The following SMC5 variants were observed in gnomAD, a reference collection of about 807,000 sequenced individuals.
The protein encoded by SMC5 is structural maintenance of chromosomes protein 5.
SMC5 carries 88 observed loss-of-function variants against 148.3 expected under a neutral mutation model. That is an observed-to-expected ratio of 0.59 (90% confidence interval 0.50 to 0.71). The LOEUF is 0.71. SMC5 is among the 30% of genes least tolerant of loss of function. The pLI is 0.00. For missense variants in SMC5, 1,142 were observed against 1,298.9 expected (o/e 0.88, Z 1.86); for synonymous variants, 421 against 432.8 (o/e 0.97, Z 0.34).
At chr9:70,338,999 AT>A (rs749084445) in intron 17 of SMC5, among the ~76,000 whole-genome samples, 3 of 152,174 alleles carry the variant, frequency 2.0e-5, no homozygotes, top group East Asian at 1.9e-4. Flanking sequence ...CTAAAAAAAA[AT>A]AAAATAAAAT....
At chr9:70,283,814 A>G (rs1157034146) in intron 7 of SMC5, among the ~76,000 whole-genome samples, 5 of 152,144 alleles carry the variant, frequency 3.3e-5, no homozygotes, top group Admixed American at 3.3e-4. Flanking sequence ...TACAGGCATC[A>G]TCTCTATTTT....
At chr9:70,297,912 T>A (rs531530059) in intron 8 of SMC5, 54 bp from the exon 9 acceptor site, 1 of 1,559,496 alleles carries the variant, frequency 6.4e-7, no homozygotes, top group Admixed American at 2.0e-5. Context: ...TACAGAAGTC[T>A]TATAAACCAA....
In SMC5 at chr9:70,318,901, G is replaced by A. The variant is rs1302717566; in HGVS notation, c.2088G>A (p.Glu696=). ...KDNELRQKKK[E]LLERKTKKRQ... ...ATGAACTTAGACAAAAGAAGAAGGA[G>A]CTTCTTGAGAGAAAAACCAAGAAAA... Residue 696 remains glutamate (E), a synonymous_variant, in exon 15 of 25, where the codon GAG becomes GAA. Transcript: ENST00000361138. 6.2e-6 allele frequency: 10 copies of A among 1,611,592 alleles called. No homozygotes were observed. In the Admixed American group the frequency reaches 1.3e-4, roughly 22 times the overall value.
chr9:70,286,209 A>G lies in SMC5; in HGVS notation c.991A>G (p.Ile331Val). 1.4e-6 allele frequency: 2 copies of G among 1,474,426 alleles called. No individual in the cohort carries two copies. Among genetic ancestry groups the G allele is most frequent in the Non-Finnish European group, 1.8e-6 (2 of 1,085,070 alleles). The allele number at this position is 1,474,426 out of a possible 1,614,324, so 91.3% of individuals were successfully genotyped here. The change falls in exon 8 of 25, where the codon ATT becomes GTT. Residue 331 changes from isoleucine (I) to valine (V), a missense_variant. Physicochemically the swap from Ile to Val is conservative, Grantham distance 29 (BLOSUM62 3). Around this residue, in one of 5 missense-constraint regions of SMC5, gnomAD observed 743 missense variants for 835.7 expected, o/e 0.89. Coordinates refer to ENST00000361138, the MANE Select transcript of SMC5 (RefSeq NM_015110.4). ...CGGTTTAATTTTACAGGCAACAGAT[A>G]TTAAGGAGGCATCTCAAAAATGCAA... is the stretch of plus-strand genomic sequence containing the variant. The part of the protein sequence containing the change: ...EARIKEKATD[I>V]KEASQKCKQK...
chr9:70,265,820 C>T (rs189312225), intron 2 of SMC5, among the ~76,000 whole-genome samples: 4 of 152,272 alleles, frequency 2.6e-5, no homozygotes, highest in Admixed American at 6.5e-5. Flanking sequence ...GAAGATAATT[C>T]GATTCCCAAC....
chr9:70,321,471 C>A (rs1291279349), intron 15 of SMC5, among the ~76,000 whole-genome samples: 4 of 149,536 alleles, frequency 2.7e-5, no homozygotes, highest in Non-Finnish European at 5.9e-5. Flanking sequence ...CAGCTCACTA[C>A]AGCTTTGAAC....
Position 70,320,984 on chromosome 9 carries a change from G to A in SMC5, c.2150+2021G>A, listed in dbSNP as rs571806396. 2.6e-5 allele frequency among the ~76,000 whole-genome samples: 4 copies of A among 152,244 alleles called. 1 individual carries two copies. The South Asian group carries it at 6.2e-4, about 24-fold the overall frequency. ...CACCGTCAGTGCAAATGACAGCATG[G>A]TGAGAAAGGCAAATGATGTCCTGTT... On this transcript the variant is annotated intron_variant, in intron 15 of 24. Transcript: ENST00000361138.
chr9:70,331,208 G>A (rs2036209186), intron 17 of SMC5, among the ~76,000 whole-genome samples: 2 of 151,966 alleles, frequency 1.3e-5, no homozygotes, highest in Non-Finnish European at 2.9e-5. Flanking sequence ...TTTCTTAGTT[G>A]CTTTAGCCAC....
intron 4 of SMC5, 45 bp from the exon 5 acceptor site, chr9:70,278,446 A>T (rs1338924930): frequency 1.3e-5 from 20 of 1,577,520 alleles, no homozygotes; most frequent in Non-Finnish European, 1.6e-5. Flanking sequence ...TTGAAGATAT[A>T]TGTAAATGAA....
At position 70,305,764 on chromosome 9, in the gene SMC5, T is replaced by C. The variant is rs148759138; in HGVS notation, c.1578+404T>C. Among the ~76,000 whole-genome samples, 1,213 of 152,286 alleles carry C rather than the reference T, an allele frequency of 8.0e-3. 6 individuals carry two copies. The highest frequency in any genetic ancestry group is 0.028 in the African/African-American group (1,156 of 41,566). On this transcript the variant is annotated intron_variant, in intron 11 of 24. Coordinates refer to ENST00000361138, the MANE Select transcript of SMC5 (RefSeq NM_015110.4). ...GTTGCTTATTAATATAAATAAAACG[T>C]CTTTAAAAAGAATGAGAACCCTGTA...
intron 9 of SMC5, 21 bp from the exon 10 acceptor site, chr9:70,300,025 T>C (rs1010137137): frequency 4.5e-6 from 7 of 1,538,810 alleles, no homozygotes; most frequent in East Asian, 2.3e-5. Flanking sequence ...AACAAGACTT[T>C]GTTTTGTTTT....
intron 18 of SMC5, chr9:70,346,329 G>A: frequency 2.3e-6 from 1 of 425,910 alleles, no homozygotes; most frequent in South Asian, 5.8e-5. Flanking sequence ...TCTTTTTCAG[G>A]GTTTCAGGAT....
chr9:70,328,033 A>T (rs1194898524), intron 17 of SMC5, among the ~76,000 whole-genome samples: 4 of 151,986 alleles, frequency 2.6e-5, no homozygotes, highest in African/African-American at 9.7e-5. Context: ...TCTTGTGAGA[A>T]CTCACTATCA....
At chr9:70,280,067 A>G (rs1047027974) in intron 5 of SMC5, among the ~76,000 whole-genome samples, 2 of 152,210 alleles carry the variant, frequency 1.3e-5, no homozygotes, top group African/African-American at 4.8e-5. Context: ...TGTTTTTATT[A>G]TACTTATTCA....
intron 13 of SMC5, 128 bp from the exon 14 acceptor site, chr9:70,318,386 T>TAA: frequency 3.1e-4 from 196 of 629,082 alleles, no homozygotes; most frequent in Middle Eastern, 5.4e-4. Flanking sequence ...AGACCCTGTC[T>TAA]AAAAAAAAAA....
chr9:70,346,987 C>G (rs974223182), intron 19 of SMC5, 79 bp from the exon 20 acceptor site: 2 of 1,025,162 alleles, frequency 2.0e-6, no homozygotes, highest in African/African-American at 3.2e-5. Flanking sequence ...ATAACTTATT[C>G]AGCAGATTAT....
intron 18 of SMC5, chr9:70,344,560 A>G (rs537908789): frequency 6.6e-4 from 103 of 156,928 alleles, no homozygotes; most frequent in Non-Finnish European, 8.6e-4. Flanking sequence ...GGTATATCAG[A>G]AATAATAAAT....
chr9:70,285,192 T>G (rs1363488352), intron 7 of SMC5, among the ~76,000 whole-genome samples: 1 of 152,086 alleles, frequency 6.6e-6, no homozygotes, highest in African/African-American at 2.4e-5. Flanking sequence ...AGACATGATT[T>G]CCTAGGAGGG....
chr9:70,345,769 A>G (rs1321617281), intron 18 of SMC5, among the ~76,000 whole-genome samples: 1 of 152,096 alleles, frequency 6.6e-6, no homozygotes, highest in Non-Finnish European at 1.5e-5. Flanking sequence ...TGACATTACT[A>G]CTTTTATGAA....
Sources: gnomAD v4.1 joint callset for allele counts (sites outside exome capture counted in the v4.1 genomes callset) on GRCh38, gnomAD v4.1.1 for gene constraint, gnomAD v4.1.1 regional missense constraint, MANE v1.5 for transcripts, NCBI Gene and HGNC (gene_info 2026-07-23, HGNC 2026-07-21) for gene names.